PTBP3: variants seen among roughly 807,000 people sequenced by gnomAD.
PTBP3 encodes the protein polypyrimidine tract-binding protein 3.
Under a neutral mutation model 58.7 loss-of-function variants are expected in PTBP3, and 20 were observed. That is an observed-to-expected ratio of 0.34 (90% confidence interval 0.24 to 0.50). The LOEUF (loss-of-function observed/expected upper bound fraction) is 0.50. Ranked by LOEUF, PTBP3 falls within the 20% of genes least tolerant of loss-of-function variation. The pLI, the probability that PTBP3 is intolerant of heterozygous loss-of-function variation, is 0.98. For synonymous variants in PTBP3, 185 were observed against 219.8 expected (o/e 0.84, Z 1.40); for missense variants, 509 against 637.2 (o/e 0.80, Z 2.17).
chr9:112,355,423 T>A, the PTBP3 span, among the ~76,000 whole-genome samples: 1 of 152,152 alleles, frequency 6.6e-6, no homozygotes, highest in Non-Finnish European at 1.5e-5. Flanking sequence ...TCCAGCTGCA[T>A]ACAACAGAAA....
At chr9:112,262,910 G>A (rs1032973351) in intron 4 of PTBP3, among the ~76,000 whole-genome samples, 2 of 152,144 alleles carry the variant, frequency 1.3e-5, no homozygotes, top group Non-Finnish European at 2.9e-5. Context: ...GAAGAAATAT[G>A]AAAGCAACAT....
At chr9:112,334,401 G>A (rs1830522237), upstream of PTBP3, among the ~76,000 whole-genome samples, 3 of 152,152 alleles carry the variant, frequency 2.0e-5, no homozygotes, top group Non-Finnish European at 4.4e-5. Flanking sequence ...TACAAAGAGA[G>A]TGATTTGCTC....
intron 1 of PTBP3, among the ~76,000 whole-genome samples, chr9:112,312,832 C>T (rs1327154157): frequency 2.0e-5 from 3 of 151,972 alleles, no homozygotes; most frequent in Non-Finnish European, 2.9e-5. Context: ...TCACTTGAGT[C>T]CAGGAGTTGG....
At chr9:112,343,067 T>C in the PTBP3 span, among the ~76,000 whole-genome samples, 5 of 152,266 alleles carry the variant, frequency 3.3e-5, no homozygotes, top group South Asian at 8.3e-4. Flanking sequence ...AGTTGTTGGT[T>C]CCAGGGCTGG....
intron 3 of PTBP3, 28 bp downstream of exon 3, chr9:112,275,814 ACT>A (rs745808383): frequency 6.5e-7 from 1 of 1,538,788 alleles, no homozygotes; most frequent in South Asian, 1.2e-5. Context: ...GGAGATAATC[ACT>A]CTTTGTCAAT....
upstream of PTBP3, chr9:112,333,661 C>T (rs1830484751): frequency 8.8e-6 from 5 of 567,438 alleles, no homozygotes; most frequent in Non-Finnish European, 1.2e-5. Context: ...GCCACCGCCG[C>T]GCCCCCGCCT....
chr9:112,303,347 C>G (rs1303052993), intron 1 of PTBP3, among the ~76,000 whole-genome samples: 1 of 152,126 alleles, frequency 6.6e-6, no homozygotes, highest in Non-Finnish European at 1.5e-5. Context: ...TGTATGGTTC[C>G]AGAATGTTAG....
Position 112,222,502 on chromosome 9 carries a change from C to G in PTBP3, c.*1349G>C. ...AAGATGAAACTGAGATTGCACTCTA[C>G]AGCCCCAAATTGATATGCAATAACC... is the stretch of plus-strand genomic sequence containing the variant. On this transcript the variant is annotated 3_prime_UTR_variant, in exon 14 of 14. Transcript: ENST00000374257. 1.0e-6 allele frequency: 1 copy of G among 985,610 alleles called. No homozygotes were observed. Among genetic ancestry groups the G allele is most frequent in the Non-Finnish European group, 1.2e-6 (1 of 829,900 alleles). The allele number at this position is 985,610 out of a possible 1,614,324, so 61.1% of individuals were successfully genotyped here.
Position 112,223,017 on chromosome 9 carries a change from G to A in PTBP3, c.*834C>T, listed in dbSNP as rs937170872. On this transcript the variant is annotated 3_prime_UTR_variant, in exon 14 of 14. Coordinates refer to ENST00000374257, the MANE Select transcript of PTBP3 (RefSeq NM_001163788.4). Reference sequence around the variant, plus strand: ...TTATAAAAAAGTAGTTTATAAGTAGGATTATTTTTCTTTAAAATTTTCCAA... The same window carrying A: ...TTATAAAAAAGTAGTTTATAAGTAGAATTATTTTTCTTTAAAATTTTCCAA... 1.1e-5 allele frequency: 9 copies of A among 848,064 alleles called. No homozygotes were observed. Among genetic ancestry groups the A allele is most frequent in the Non-Finnish European group, 1.3e-5 (9 of 704,938 alleles). 52.5% of individuals were successfully genotyped at this position (848,064 alleles called of 1,614,324 possible).
intron 9 of PTBP3, 77 bp from the exon 10 acceptor site, chr9:112,231,490 G>T: frequency 8.4e-7 from 1 of 1,192,854 alleles, no homozygotes; most frequent in Non-Finnish European, 1.2e-6. Context: ...TACTGTAATG[G>T]CAGTTGATTT....
At chr9:112,334,095 C>T (rs567866908), upstream of PTBP3, among the ~76,000 whole-genome samples, 1 of 151,996 alleles carries the variant, frequency 6.6e-6, no homozygotes, top group South Asian at 2.1e-4. Context: ...TGGAATTGCC[C>T]CGGGTGCGCG....
chr9:112,232,011 GAAGAGAAGAAAAGA>G (rs1835255691), intron 9 of PTBP3, 74 bp downstream of exon 9: 1 of 217,236 alleles, frequency 4.6e-6, no homozygotes, highest in African/African-American at 1.3e-4. Flanking sequence ...GAAGAGAAGA[GAAGAGAAGAAAAGA>G]AAAGAAAGAA....
At chr9:112,270,852 C>G (rs886620503) in intron 3 of PTBP3, among the ~76,000 whole-genome samples, 3 of 152,196 alleles carry the variant, frequency 2.0e-5, no homozygotes, top group Non-Finnish European at 2.9e-5. Context: ...GAGTCTTGCT[C>G]TGTAGCCCAG....
chr9:112,257,453 T>C (rs905488041), intron 5 of PTBP3, among the ~76,000 whole-genome samples: 1 of 152,164 alleles, frequency 6.6e-6, no homozygotes, highest in Non-Finnish European at 1.5e-5. Context: ...TTCCCTAATA[T>C]ATTTTGCTGT....
rs371874084 is a variant in PTBP3, at chr9:112,297,827, C to T, written c.34+5G>A. The T allele has an allele frequency of 3.8e-6, 5 of 1,333,172 alleles. No individual in the cohort carries two copies. In the African/African-American group the frequency reaches 4.9e-5, roughly 13 times the overall value. The allele number at this position is 1,333,172 out of a possible 1,614,324, so 82.6% of individuals were successfully genotyped here. On this transcript the variant is annotated splice_donor_5th_base_variant and intron_variant, in intron 2 of 13. Coordinates refer to ENST00000374257, the MANE Select transcript of PTBP3 (RefSeq NM_001163788.4). ...TCAAATATTAAAAAAAAAAAAAAAA[C>T]TCACCATACACACCTGTAGAAGGAG... is the stretch of plus-strand genomic sequence containing the variant.
chr9:112,252,960 TACA>T (rs1198998381), intron 5 of PTBP3, among the ~76,000 whole-genome samples, 172 bp from the exon 6 acceptor site: 1 of 152,198 alleles, frequency 6.6e-6, no homozygotes, highest in African/African-American at 2.4e-5. Flanking sequence ...ATGACTATCT[TACA>T]ACAACGCCCG....
intron 12 of PTBP3, among the ~76,000 whole-genome samples, chr9:112,224,682 T>C (rs1230511599): frequency 6.6e-6 from 1 of 152,238 alleles, no homozygotes; most frequent in Non-Finnish European, 1.5e-5. Flanking sequence ...TGCCTGCTCA[T>C]ATTCATGCCC....
intron 1 of PTBP3, among the ~76,000 whole-genome samples, chr9:112,327,483 C>A (rs1830205435): frequency 6.6e-6 from 1 of 152,130 alleles, no homozygotes; most frequent in Non-Finnish European, 1.5e-5. Context: ...TCACTTGAAC[C>A]CAGGAGGTGG....
At chr9:112,308,788 A>G (rs1473972589) in intron 1 of PTBP3, among the ~76,000 whole-genome samples, 2 of 152,152 alleles carry the variant, frequency 1.3e-5, no homozygotes, top group African/African-American at 4.8e-5. Context: ...TGTCCTTAGA[A>G]ACACACAGCA....
Sources: allele counts gnomAD v4.1 joint callset (sites outside exome capture counted in the v4.1 genomes callset), GRCh38; gene constraint gnomAD v4.1.1; transcripts MANE v1.5; gene names NCBI Gene and HGNC (gene_info 2026-07-23, HGNC 2026-07-21).